CPQ: variants seen among roughly 807,000 people sequenced by gnomAD.
The protein encoded by CPQ is carboxypeptidase Q.
In CPQ, 37 loss-of-function variants were observed where a neutral mutation model predicts 45.7. That is an observed-to-expected ratio of 0.81 (90% CI 0.62 to 1.07). The LOEUF (loss-of-function observed/expected upper bound fraction) is 1.07. CPQ is among the 50% of genes least tolerant of loss of function. The pLI, the probability that CPQ is intolerant of heterozygous loss-of-function variation, is 0.00. For synonymous variants in CPQ, 186 were observed against 205.8 expected, an observed-to-expected ratio of 0.90 and a Z score of 0.82; for missense variants, 537 against 572.9, an observed-to-expected ratio of 0.94 and a Z score of 0.64.
chr8:96,784,743 T>C, intron 1 of CPQ, 121 bp from the exon 2 acceptor site: 3 of 672,200 alleles, frequency 4.5e-6, no homozygotes, highest in South Asian at 2.0e-5. Context: ...AATTTGATGG[T>C]GGATGTTGGG....
chr8:96,657,280 G>T (rs923447558), intron 1 of CPQ, among the ~76,000 whole-genome samples: 2 of 152,122 alleles, frequency 1.3e-5, no homozygotes, highest in Non-Finnish European at 2.9e-5. Flanking sequence ...AGGAGGCAGA[G>T]GTTGCAGTGA....
chr8:96,991,419 G>A (rs1809090031), intron 5 of CPQ, among the ~76,000 whole-genome samples: 1 of 151,930 alleles, frequency 6.6e-6, no homozygotes, highest in Non-Finnish European at 1.5e-5. Flanking sequence ...AGCTGGGCGT[G>A]GTGGCAGGTG....
intron 7 of CPQ, among the ~76,000 whole-genome samples, chr8:97,139,181 G>T (rs1267593496): frequency 6.6e-6 from 1 of 152,118 alleles, no homozygotes; most frequent in African/African-American, 2.4e-5. Context: ...TTACAGATGA[G>T]TTTTCAATTT....
chr8:96,825,084 C>T (rs575239281), intron 2 of CPQ, among the ~76,000 whole-genome samples: 1 of 151,980 alleles, frequency 6.6e-6, no homozygotes, highest in South Asian at 2.1e-4. Context: ...TAGGATTGGC[C>T]CCTTACCCAG....
intron 4 of CPQ, among the ~76,000 whole-genome samples, chr8:96,888,488 T>C (rs1380000212): frequency 6.6e-6 from 1 of 152,226 alleles, no homozygotes; most frequent in Non-Finnish European, 1.5e-5. Context: ...TGTGTACTGT[T>C]AAATAGCAAC....
chr8:96,890,116 G>A (rs545692059), intron 4 of CPQ, among the ~76,000 whole-genome samples: 12 of 152,134 alleles, frequency 7.9e-5, no homozygotes, highest in South Asian at 6.2e-4. Flanking sequence ...TGTGCAACCC[G>A]GAGCACACTA....
intron 5 of CPQ, among the ~76,000 whole-genome samples, chr8:96,970,675 TGCCTCA>T (rs1813653618): frequency 6.6e-6 from 1 of 151,948 alleles, no homozygotes; most frequent in South Asian, 2.1e-4. Flanking sequence ...GCCATTCTCC[TGCCTCA>T]GCCTCACGAG....
chr8:97,121,838 C>G (rs1008295112), intron 7 of CPQ, among the ~76,000 whole-genome samples: 8 of 151,886 alleles, frequency 5.3e-5, no homozygotes, highest in Admixed American at 4.6e-4. Flanking sequence ...AATTCTATAA[C>G]TGAAAAATAC....
intron 5 of CPQ, among the ~76,000 whole-genome samples, chr8:96,968,580 G>A (rs1204618792): frequency 6.6e-6 from 1 of 152,178 alleles, no homozygotes; most frequent in Admixed American, 6.5e-5. Context: ...TGAAAGCTCT[G>A]TGGCAATCTC....
chr8:96,950,216 T>G (rs1208326249), intron 4 of CPQ, among the ~76,000 whole-genome samples: 3 of 152,138 alleles, frequency 2.0e-5, no homozygotes, highest in Non-Finnish European at 4.4e-5. Flanking sequence ...ATAAACTTCT[T>G]TAATGGGTTT....
intron 1 of CPQ, among the ~76,000 whole-genome samples, chr8:96,743,390 A>T (rs1442207438): frequency 1.3e-5 from 2 of 151,786 alleles, no homozygotes; most frequent in African/African-American, 4.8e-5. Flanking sequence ...AATTTTTTTC[A>T]AAGTTTTCAA....
intron 6 of CPQ, among the ~76,000 whole-genome samples, chr8:97,064,193 A>G (rs1810599359): frequency 6.6e-6 from 1 of 152,124 alleles, no homozygotes; most frequent in South Asian, 2.1e-4. Flanking sequence ...AACCCTCACA[A>G]ACAAGATGAC....
chr8:96,878,981 C>T (rs542946670), intron 3 of CPQ, among the ~76,000 whole-genome samples: 1 of 152,096 alleles, frequency 6.6e-6, no homozygotes, highest in African/African-American at 2.4e-5. Flanking sequence ...GGAGCCACAC[C>T]TCAGGGGTGA....
intron 4 of CPQ, among the ~76,000 whole-genome samples, chr8:96,963,941 T>C (rs1813507303): frequency 6.6e-6 from 1 of 152,182 alleles, no homozygotes; most frequent in Non-Finnish European, 1.5e-5. Context: ...CTTCTTTCAT[T>C]CTTCATTATG....
At chr8:96,778,565 T>A (rs1810645336) in intron 1 of CPQ, among the ~76,000 whole-genome samples, 1 of 152,174 alleles carries the variant, frequency 6.6e-6, no homozygotes, top group South Asian at 2.1e-4. Context: ...ACCGATATAC[T>A]CAGGGAAAAC....
intron 1 of CPQ, among the ~76,000 whole-genome samples, chr8:96,771,538 A>G (rs1415391804): frequency 6.6e-6 from 1 of 152,142 alleles, no homozygotes; most frequent in Non-Finnish European, 1.5e-5. Context: ...TAGAAAACTC[A>G]TATCAAAAAG....
At chr8:97,106,172 T>C (rs1811400766) in intron 7 of CPQ, among the ~76,000 whole-genome samples, 1 of 152,270 alleles carries the variant, frequency 6.6e-6, no homozygotes, top group East Asian at 1.9e-4. Flanking sequence ...AATTTATATG[T>C]GAGAATGAAT....
Position 97,045,725 on chromosome 8 carries a change from C to T in CPQ, c.1053+16231C>T, listed in dbSNP as rs532356699. On this transcript the variant is annotated intron_variant, in intron 6 of 7. Transcript: ENST00000220763. Reference sequence around the variant, plus strand: ...ATTAGGTCTTTGGGTATTCAGTAGCCCTTCTGGAAGTTCATCTTCTACTTC... The same window carrying T: ...ATTAGGTCTTTGGGTATTCAGTAGCTCTTCTGGAAGTTCATCTTCTACTTC... 8.9e-4 allele frequency among the ~76,000 whole-genome samples: 136 copies of T among 152,260 alleles called. 1 individual carries two copies. The highest frequency in any genetic ancestry group is 3.1e-3 in the African/African-American group (130 of 41,532).
At chr8:96,650,204 G>A (rs375344338) in intron 1 of CPQ, among the ~76,000 whole-genome samples, 3 of 152,178 alleles carry the variant, frequency 2.0e-5, no homozygotes, top group African/African-American at 7.2e-5. Flanking sequence ...CAGAGAAAGT[G>A]TTTGGAGACT....
Sources: allele counts gnomAD v4.1 joint callset (sites outside exome capture counted in the v4.1 genomes callset), GRCh38; gene constraint gnomAD v4.1.1; transcripts MANE v1.5; gene names NCBI Gene and HGNC (gene_info 2026-07-23, HGNC 2026-07-21).